Variants in KIAA0319 observed in about 807,000 individuals in gnomAD.
The protein encoded by KIAA0319 is KIAA0319.
KIAA0319 carries 83 observed loss-of-function variants against 108.4 expected under a neutral mutation model. The ratio of observed to expected loss-of-function variants is 0.77; its 90% confidence interval spans 0.64 to 0.92. The LOEUF (loss-of-function observed/expected upper bound fraction) is 0.92. KIAA0319 is among the 40% of genes least tolerant of loss of function. The probability of loss-of-function intolerance (pLI) is 0.00; values close to 1 mark genes in which losing one functional copy is unlikely to be tolerated. For missense variants in KIAA0319, 1,195 were observed against 1,322.4 expected (o/e 0.90, Z 1.49); for synonymous variants, 484 against 510.4 (o/e 0.95, Z 0.70).
rs557267693 is a variant in KIAA0319, at chr6:24,553,292, TATACACACACACAC to T, written c.2948+1235_2948+1248del. 7.8e-4 allele frequency among the ~76,000 whole-genome samples: 74 copies of T among 95,024 alleles called. 1 individual carries two copies. In the South Asian group the frequency reaches 0.015, roughly 19 times the overall value. 62.3% of individuals were successfully genotyped at this position (95,024 alleles called of 152,430 possible). A position where few individuals can be genotyped will look rare whatever the true frequency, so the allele number is the denominator to read the frequency against. On this transcript the variant is annotated intron_variant, in intron 19 of 20. Coordinates refer to ENST00000378214, the MANE Select transcript of KIAA0319 (RefSeq NM_014809.4). ...TGAGATAGATATATATATATATATA[TATACACACACACAC>T]ACACACACACACACACACACACACA...
chr6:24,572,808 A>T, intron 10 of KIAA0319, 110 bp from the exon 11 acceptor site: 1 of 1,096,752 alleles, frequency 9.1e-7, no homozygotes, highest in South Asian at 1.7e-5. Context: ...TAATACAGAG[A>T]TCTTGCTCAA....
chr6:24,563,788 C>G (rs1009055187), intron 15 of KIAA0319, among the ~76,000 whole-genome samples: 2 of 152,142 alleles, frequency 1.3e-5, no homozygotes, highest in Non-Finnish European at 2.9e-5. Flanking sequence ...AAATTTCAGC[C>G]TCTTCCACAT....
intron 2 of KIAA0319, 63 bp downstream of exon 2, chr6:24,600,986 T>C: frequency 6.2e-7 from 1 of 1,604,070 alleles, no homozygotes; most frequent in Non-Finnish European, 8.5e-7. Flanking sequence ...TTGATCTGAG[T>C]TGCTTACACT....
At chr6:24,583,804 A>T (rs2127491318) in intron 4 of KIAA0319, 102 bp from the exon 5 acceptor site, 1 of 756,562 alleles carries the variant, frequency 1.3e-6, no homozygotes, top group Non-Finnish European at 2.2e-6. Context: ...TTAAAATAAC[A>T]TATGCTTTTG....
downstream of KIAA0319, among the ~76,000 whole-genome samples, chr6:24,542,601 T>G (rs1760235732): frequency 1.3e-5 from 2 of 152,108 alleles, no homozygotes; most frequent in Non-Finnish European, 2.9e-5. Context: ...TAGTCCCACC[T>G]ACTCAGGAAG....
chr6:24,559,617 TA>T (rs3032307), intron 16 of KIAA0319, among the ~76,000 whole-genome samples: 93,058 of 148,582 alleles, frequency 0.63, 29,418 homozygotes, highest in Middle Eastern at 0.7. Context: ...TCCATAATAG[TA>T]AAAAAAAAAA....
At chr6:24,598,911 G>A (rs2044523654) in intron 2 of KIAA0319, 1 of 435,210 alleles carries the variant, frequency 2.3e-6, no homozygotes, top group African/African-American at 2.0e-5. Flanking sequence ...AATAATTTTA[G>A]CGATGGAGAA....
Position 24,596,191 on chromosome 6 carries a change from C to G in KIAA0319, c.483G>C (p.Arg161=), listed in dbSNP as rs1171252917. 6.2e-7 allele frequency: 1 copy of G among 1,614,166 alleles called. No homozygotes were observed. Among genetic ancestry groups the G allele is most frequent in the Non-Finnish European group, 8.5e-7 (1 of 1,180,040 alleles). Residue 161 remains arginine, a synonymous_variant, in exon 3 of 21, where the codon CGG becomes CGC. Transcript: ENST00000378214. ...EEMSEYSDDY[R]ELEKDLLQPS... ...GTTGCAAGAGGTCCTTCTCCAGCTC[C>G]CGGTAGTCATCTGAGTACTCAGACA...
chr6:24,576,850 G>A (rs183693546), intron 9 of KIAA0319, among the ~76,000 whole-genome samples: 12 of 152,012 alleles, frequency 7.9e-5, no homozygotes, highest in East Asian at 5.8e-4. Context: ...ATTTGAGCCC[G>A]GGAGGTCAAG....
intron 1 of KIAA0319, among the ~76,000 whole-genome samples, chr6:24,619,620 A>C (rs1221814579): frequency 1.3e-5 from 2 of 152,306 alleles, no homozygotes; most frequent in East Asian, 3.9e-4. Context: ...AGACTGGTTA[A>C]CACCACCAAG....
chr6:24,542,435 T>C (rs1432992620), downstream of KIAA0319, among the ~76,000 whole-genome samples: 5 of 145,826 alleles, frequency 3.4e-5, no homozygotes. Flanking sequence ...AAATTTAAAA[T>C]AGACCTAAGT....
rs1472179528 is a variant in KIAA0319, at chr6:24,544,532, G to T, written c.*2633C>A. On this transcript the variant is annotated 3_prime_UTR_variant, in exon 21 of 21. Transcript: ENST00000378214. Reference sequence around the variant, plus strand: ...CCGCGCACAAAAGGTGGCATCACTGGCTTGTTGAGTGGTACATTTTCTTAC... The same window carrying T: ...CCGCGCACAAAAGGTGGCATCACTGTCTTGTTGAGTGGTACATTTTCTTAC... The T allele has an allele frequency of 1.3e-5, 2 of 152,174 alleles. No homozygotes were observed. The highest frequency in any genetic ancestry group is 2.9e-5 in the Non-Finnish European group (2 of 68,036). The allele number at this position is 152,174 out of a possible 1,614,324, so 9.4% of individuals were successfully genotyped here.
At chr6:24,635,112 T>C (rs577789584) in intron 1 of KIAA0319, among the ~76,000 whole-genome samples, 99 of 152,004 alleles carry the variant, frequency 6.5e-4, no homozygotes, top group African/African-American at 1.9e-3. Flanking sequence ...TTCTTTCTTT[T>C]TTTTTTTTTT....
intron 1 of KIAA0319, among the ~76,000 whole-genome samples, chr6:24,628,907 T>C (rs1775103081): frequency 6.6e-6 from 1 of 152,150 alleles, no homozygotes; most frequent in African/African-American, 2.4e-5. Flanking sequence ...TAACCTCTTC[T>C]TGATACCATC....
At chr6:24,607,522 G>A (rs980972656) in intron 1 of KIAA0319, among the ~76,000 whole-genome samples, 1 of 151,992 alleles carries the variant, frequency 6.6e-6, no homozygotes, top group African/African-American at 2.4e-5. Context: ...CTGCTTTATG[G>A]ACAATGCAAA....
At chr6:24,624,017 C>CTTTTCTTTTTTTTTTT (rs1774342718) in intron 1 of KIAA0319, among the ~76,000 whole-genome samples, 1 of 50,544 alleles carries the variant, frequency 2.0e-5, no homozygotes, top group Non-Finnish European at 3.6e-5. Context: ...TCTTTGTTTT[C>CTTTTCTTTTTTTTTTT]TTTTTTTTTT....
intron 3 of KIAA0319, among the ~76,000 whole-genome samples, chr6:24,590,970 T>C (rs562595945): frequency 6.6e-6 from 1 of 152,358 alleles, no homozygotes; most frequent in African/African-American, 2.4e-5. Context: ...CAAGTTAACC[T>C]GGGCCTCGTC....
At chr6:24,630,794 G>T (rs1387794281) in intron 1 of KIAA0319, among the ~76,000 whole-genome samples, 2 of 151,204 alleles carry the variant, frequency 1.3e-5, no homozygotes, top group African/African-American at 4.9e-5. Context: ...ATCCTTCATT[G>T]TTATATTTTT....
chr6:24,556,606 C>T lies in KIAA0319; in HGVS notation c.2857+1G>A, dbSNP rs1377215203. ...AAAGCCTCCTCTATACCAGAACTCA[C>T]CACAGTTGCTCTCTCCATCCCAGAT... On this transcript the variant is annotated splice_donor_variant, in intron 18 of 20. Transcript: ENST00000378214. LOFTEE classifies it high-confidence loss of function. The T allele has an allele frequency of 1.2e-6, 2 of 1,613,766 alleles. No homozygotes were observed. The highest frequency in any genetic ancestry group is 2.2e-5 in the South Asian group (2 of 91,000).
Sources: gnomAD v4.1 joint callset for allele counts (sites outside exome capture counted in the v4.1 genomes callset) on GRCh38, gnomAD v4.1.1 for gene constraint, MANE v1.5 for transcripts, NCBI Gene and HGNC (gene_info 2026-07-23, HGNC 2026-07-21) for gene names.